CRPPA: variants seen among roughly 807,000 people sequenced by gnomAD.
CRPPA encodes CDP-L-ribitol pyrophosphorylase A.
CRPPA carries 43 observed loss-of-function variants against 52.0 expected under a neutral mutation model. The observed-to-expected ratio is 0.83, with a 90% CI of 0.65 to 1.07. CRPPA has a LOEUF of 1.07. CRPPA is among the 50% of genes least tolerant of loss of function. The probability of loss-of-function intolerance (pLI) is 0.00; values close to 1 mark genes in which losing one functional copy is unlikely to be tolerated. For synonymous variants in CRPPA, 250 were observed against 203.5 expected (o/e 1.23, Z -1.94); for missense variants, 629 against 551.7 (o/e 1.14, Z -1.40).
At chr7:16,368,916 TC>T (rs1416702395) in intron 3 of CRPPA, among the ~76,000 whole-genome samples, 19 of 152,170 alleles carry the variant, frequency 1.2e-4, no homozygotes, top group Admixed American at 1.2e-3. Flanking sequence ...CATATATAAC[TC>T]ACATCAAATC....
rs576568745 is a variant in CRPPA at position 16,358,842 on chromosome 7, T to G, written c.684+17250A>C. Among the ~76,000 whole-genome samples the G allele has an allele frequency of 2.0e-5, 3 of 152,356 alleles. No individual in the cohort carries two copies. The East Asian group carries it at 5.8e-4, about 29-fold the overall frequency. On this transcript the variant is annotated intron_variant, in intron 3 of 9. Transcript: ENST00000407010. ...TGACTCTTCTAAATTGTCCATACAATGCAAAATTACATCTTTAGCTCCCAA... is the reference window on the plus strand; with the variant it reads ...TGACTCTTCTAAATTGTCCATACAAGGCAAAATTACATCTTTAGCTCCCAA...
intron 9 of CRPPA, among the ~76,000 whole-genome samples, chr7:16,096,847 C>G (rs981397266): frequency 6.6e-6 from 1 of 152,162 alleles, no homozygotes; most frequent in Non-Finnish European, 1.5e-5. Flanking sequence ...TCTTAACATA[C>G]TGGGCGGGAA....
At chr7:16,211,797 T>C (rs1342757242) in intron 9 of CRPPA, among the ~76,000 whole-genome samples, 1 of 152,150 alleles carries the variant, frequency 6.6e-6, no homozygotes, top group East Asian at 1.9e-4. Context: ...TGACCTAAGG[T>C]AATTACAAGG....
intron 5 of CRPPA, among the ~76,000 whole-genome samples, chr7:16,285,159 T>C (rs1784396746): frequency 6.6e-6 from 1 of 152,168 alleles, no homozygotes; most frequent in Non-Finnish European, 1.5e-5. Flanking sequence ...TCTTCTGTTT[T>C]ATTAATAAAG....
chr7:16,350,397 A>T (rs1786117149), intron 3 of CRPPA, among the ~76,000 whole-genome samples: 1 of 152,176 alleles, frequency 6.6e-6, no homozygotes, highest in South Asian at 2.1e-4. Flanking sequence ...ACAAATGTTA[A>T]AAAACAAAAC....
intron 9 of CRPPA, among the ~76,000 whole-genome samples, chr7:16,102,770 A>G (rs2128364438): frequency 6.6e-6 from 1 of 152,356 alleles, no homozygotes; most frequent in South Asian, 2.1e-4. Context: ...ATCTCACGCC[A>G]GTTAGAATGG....
chr7:16,134,736 A>C (rs1782734369), intron 9 of CRPPA, among the ~76,000 whole-genome samples: 1 of 152,246 alleles, frequency 6.6e-6, no homozygotes, highest in South Asian at 2.1e-4. Flanking sequence ...AAATATGGGC[A>C]ACCCTGATAT....
In CRPPA at chr7:16,282,009, T is replaced by G. The variant is rs1350156054; in HGVS notation, c.836-3783A>C. On this transcript the variant is annotated intron_variant, in intron 5 of 9. Transcript: ENST00000407010. ...TTATTACTGTCATCCGAGGAAATCA[T>G]GATTGATTCTGTCTTATATGTTTGT... Among the ~76,000 whole-genome samples the G allele has an allele frequency of 2.6e-5, 4 of 152,198 alleles. No individual in the cohort carries two copies. The East Asian group carries it at 7.7e-4, about 29-fold the overall frequency.
At chr7:16,308,324 A>T (rs187329353) in intron 4 of CRPPA, among the ~76,000 whole-genome samples, 199 bp downstream of exon 4, 1 of 152,356 alleles carries the variant, frequency 6.6e-6, no homozygotes, top group East Asian at 1.9e-4. Context: ...ACAGGTTAAA[A>T]TGAGATGTGT....
At chr7:16,315,132 C>T (rs1785118175) in intron 3 of CRPPA, among the ~76,000 whole-genome samples, 1 of 152,058 alleles carries the variant, frequency 6.6e-6, no homozygotes, top group Admixed American at 6.6e-5. Context: ...ATAGTCTTTC[C>T]TCATTCATGT....
chr7:16,212,474 T>C (rs1782176901), intron 9 of CRPPA, among the ~76,000 whole-genome samples: 1 of 152,210 alleles, frequency 6.6e-6, no homozygotes, highest in African/African-American at 2.4e-5. Flanking sequence ...CACTGTACTT[T>C]GATCAAGACG....
intron 1 of CRPPA, among the ~76,000 whole-genome samples, chr7:16,414,626 T>C (rs1788149442): frequency 6.6e-6 from 1 of 152,206 alleles, no homozygotes; most frequent in Non-Finnish European, 1.5e-5. Context: ...TTATAGAAAC[T>C]CAGGTCACAA....
At chr7:16,200,011 C>A (rs762024386) in intron 9 of CRPPA, among the ~76,000 whole-genome samples, 8 of 152,002 alleles carry the variant, frequency 5.3e-5, no homozygotes, top group African/African-American at 1.7e-4. Flanking sequence ...ACAGACAACA[C>A]CACGCCCAGT....
intron 9 of CRPPA, among the ~76,000 whole-genome samples, chr7:16,176,078 G>C (rs1177140006): frequency 1.3e-5 from 2 of 152,100 alleles, no homozygotes; most frequent in Non-Finnish European, 2.9e-5. Context: ...AGAAGTTACA[G>C]ATGATACACA....
chr7:16,236,307 A>G (rs1176637010), intron 8 of CRPPA, among the ~76,000 whole-genome samples: 1 of 152,152 alleles, frequency 6.6e-6, no homozygotes, highest in Non-Finnish European at 1.5e-5. Context: ...TAAGTTTTTC[A>G]GTATTGACTC....
At chr7:16,110,232 C>A (rs1782233364) in intron 9 of CRPPA, among the ~76,000 whole-genome samples, 1 of 151,846 alleles carries the variant, frequency 6.6e-6, no homozygotes. Flanking sequence ...AGGTAAAGAC[C>A]TATATAGTGA....
chr7:16,145,166 C>T (rs1412700366), intron 9 of CRPPA, among the ~76,000 whole-genome samples: 4 of 152,314 alleles, frequency 2.6e-5, no homozygotes, highest in African/African-American at 9.6e-5. Flanking sequence ...AGTCTGGAAG[C>T]AGTTCTACCT....
At chr7:16,382,473 G>C (rs1787123768) in intron 2 of CRPPA, among the ~76,000 whole-genome samples, 1 of 152,044 alleles carries the variant, frequency 6.6e-6, no homozygotes, top group Non-Finnish European at 1.5e-5. Context: ...ATGTATCTTG[G>C]AGTTGCTCTT....
intron 2 of CRPPA, among the ~76,000 whole-genome samples, chr7:16,379,270 GA>G (rs1371127803): frequency 6.6e-6 from 1 of 151,998 alleles, no homozygotes; most frequent in Non-Finnish European, 1.5e-5. Context: ...AATCCATCTT[GA>G]ATTAATTTGT....
Sources: gnomAD v4.1 joint callset for allele counts (sites outside exome capture counted in the v4.1 genomes callset) on GRCh38, gnomAD v4.1.1 for gene constraint, MANE v1.5 for transcripts, NCBI Gene and HGNC (gene_info 2026-07-23, HGNC 2026-07-21) for gene names.